RPRD2: variants seen among roughly 807,000 people sequenced by gnomAD.
The protein encoded by RPRD2 is regulation of nuclear pre-mRNA domain containing 2, also known as regulation of nuclear pre-mRNA domain-containing protein 2.
RPRD2 carries 12 observed loss-of-function variants against 104.4 expected under a neutral mutation model. That is an observed-to-expected ratio of 0.11 (90% CI 0.07 to 0.19). The LOEUF (loss-of-function observed/expected upper bound fraction) is 0.19. Ranked by LOEUF, RPRD2 falls within the 10% of genes least tolerant of loss-of-function variation. The probability of loss-of-function intolerance (pLI) is 1.00; values close to 1 mark genes in which losing one functional copy is unlikely to be tolerated. For missense variants in RPRD2, 1,543 were observed against 1,790.1 expected, an observed-to-expected ratio of 0.86 and a Z score of 2.49; for synonymous variants, 714 against 684.9, an observed-to-expected ratio of 1.04 and a Z score of -0.66.
In RPRD2 at chr1:150,364,786, G is replaced by A. The variant is rs781878775; in HGVS notation, c.72G>A (p.Glu24=). The A allele has an allele frequency of 2.0e-5, 32 of 1,612,882 alleles. No individual in the cohort carries two copies. Among genetic ancestry groups the A allele is most frequent in the Non-Finnish European group, 7.6e-6 (9 of 1,179,464 alleles). Residue 24 remains glutamate (E), a synonymous_variant, in exon 1 of 11, where the codon GAG becomes GAA. Coordinates refer to ENST00000369068, the MANE Select transcript of RPRD2 (RefSeq NM_015203.5). ...SSSASSAGAL[E]SSLDRKFQSV... ...CGGCCTCTTCGGCAGGGGCTCTGGAGTCCTCGTTGGATCGAAAATTCCAGT... is the reference window on the plus strand; with the variant it reads ...CGGCCTCTTCGGCAGGGGCTCTGGAATCCTCGTTGGATCGAAAATTCCAGT...
At chr1:150,452,071 G>A (rs1227146163) in intron 7 of RPRD2, among the ~76,000 whole-genome samples, 1 of 150,568 alleles carries the variant, frequency 6.6e-6, no homozygotes, top group Non-Finnish European at 1.5e-5. Flanking sequence ...GAACCCAGGA[G>A]GCAGAGGTTG....
intron 1 of RPRD2, among the ~76,000 whole-genome samples, chr1:150,397,956 A>T (rs1187601133): frequency 6.6e-6 from 1 of 151,456 alleles, no homozygotes; most frequent in African/African-American, 2.4e-5. Flanking sequence ...CTTGAGCAAC[A>T]CACAAACATT....
At chr1:150,417,488 G>GAA in intron 1 of RPRD2, 108 bp from the exon 2 acceptor site, 1 of 784,250 alleles carries the variant, frequency 1.3e-6, no homozygotes, top group Non-Finnish European at 1.9e-6. Flanking sequence ...ATCCATGTAA[G>GAA]AAAAAAAAAA....
chr1:150,401,616 T>A (rs1553885396), intron 1 of RPRD2, among the ~76,000 whole-genome samples: 1 of 152,014 alleles, frequency 6.6e-6, no homozygotes, highest in Non-Finnish European at 1.5e-5. Context: ...ATGCTAGGAT[T>A]ACCCCTTTCA....
intron 2 of RPRD2, among the ~76,000 whole-genome samples, chr1:150,440,138 G>T (rs1375937489): frequency 6.6e-6 from 1 of 152,066 alleles, no homozygotes; most frequent in East Asian, 1.9e-4. Context: ...TAGAGATAAG[G>T]TCTCTCTCTG....
rs1456628004 is a variant in RPRD2 at position 150,440,069 on chromosome 1, C to G, written c.336-854C>G. ...GTACAGATCCTCTTGCCTCAGACTC[C>G]CATGTAGCGGGTACTACAAATGTGT... On this transcript the variant is annotated intron_variant, in intron 2 of 10. Transcript: ENST00000369068. Among the ~76,000 whole-genome samples, 6 of 152,162 alleles carry G rather than the reference C, an allele frequency of 3.9e-5. No individual in the cohort carries two copies. The East Asian group carries it at 9.6e-4, about 24-fold the overall frequency.
At chr1:150,441,724 G>A (rs1250722689) in intron 3 of RPRD2, 157 bp from the exon 4 acceptor site, 2 of 532,814 alleles carry the variant, frequency 3.8e-6, no homozygotes, top group Non-Finnish European at 6.7e-6. Flanking sequence ...AGATCGGGTA[G>A]GAATTTCTAT....
chr1:150,384,858 A>G (rs1410440653), intron 1 of RPRD2, among the ~76,000 whole-genome samples: 1 of 151,994 alleles, frequency 6.6e-6, no homozygotes, highest in Non-Finnish European at 1.5e-5. Flanking sequence ...AATATATTTA[A>G]AAGAAGGTAA....
intron 9 of RPRD2, among the ~76,000 whole-genome samples, chr1:150,460,867 A>G (rs1553898680): frequency 6.7e-6 from 1 of 149,706 alleles, no homozygotes; most frequent in African/African-American, 2.5e-5. Context: ...CTGGGACTAC[A>G]GGCATGTGCC....
At chr1:150,451,969 C>A (rs941956416) in intron 7 of RPRD2, among the ~76,000 whole-genome samples, 1 of 151,432 alleles carries the variant, frequency 6.6e-6, no homozygotes, top group Non-Finnish European at 1.5e-5. Flanking sequence ...GGTGAAACCC[C>A]GTCTATACTA....
chr1:150,397,175 T>G (rs1662593047), intron 1 of RPRD2, among the ~76,000 whole-genome samples: 1 of 152,110 alleles, frequency 6.6e-6, no homozygotes, highest in Non-Finnish European at 1.5e-5. Context: ...GGTTTCACCA[T>G]GTTGGTTAGG....
chr1:150,428,029 T>G (rs1553890868), intron 2 of RPRD2, among the ~76,000 whole-genome samples: 1 of 152,122 alleles, frequency 6.6e-6, no homozygotes, highest in Non-Finnish European at 1.5e-5. Flanking sequence ...TTTGATTACA[T>G]AAAAATTAAA....
At chr1:150,404,764 C>A (rs782174385) in intron 1 of RPRD2, among the ~76,000 whole-genome samples, 12 of 152,080 alleles carry the variant, frequency 7.9e-5, no homozygotes, top group Non-Finnish European at 1.3e-4. Context: ...GCCACTGTGC[C>A]CGGCCTCGTC....
At position 150,428,888 on chromosome 1, in the gene RPRD2, A is replaced by AG. The variant is rs1171033943; in HGVS notation, c.335+11170dup. On this transcript the variant is annotated intron_variant, in intron 2 of 10. Coordinates refer to ENST00000369068, the MANE Select transcript of RPRD2 (RefSeq NM_015203.5). ...CTAGTACCTTCCTGTTATAAGAGTAAGGGGGGGTGTCATTAGCAAAGAAAG... is the reference window on the plus strand; with the variant it reads ...CTAGTACCTTCCTGTTATAAGAGTAAGGGGGGGGTGTCATTAGCAAAGAAAG... 7.2e-5 allele frequency among the ~76,000 whole-genome samples: 11 copies of AG among 152,176 alleles called. No individual in the cohort carries two copies. In the Middle Eastern group the frequency reaches 0.01, roughly 142 times the overall value.
In RPRD2 at chr1:150,386,400, C is replaced by T. The variant is rs146180273; in HGVS notation, c.205+21481C>T. Among the ~76,000 whole-genome samples the T allele has an allele frequency of 2.0e-4, 31 of 152,230 alleles. No homozygotes were observed. In the East Asian group the frequency reaches 5.4e-3, roughly 27 times the overall value. ...AGGAGTTCGAAACTAGTCTGGGCAACGTGACAAAGCCCCATCTCTACCAAG... is the reference window on the plus strand; with the variant it reads ...AGGAGTTCGAAACTAGTCTGGGCAATGTGACAAAGCCCCATCTCTACCAAG... On this transcript the variant is annotated intron_variant, in intron 1 of 10. Transcript: ENST00000369068.
chr1:150,443,342 T>G, intron 5 of RPRD2, 59 bp downstream of exon 5: 2 of 1,181,170 alleles, frequency 1.7e-6, no homozygotes, highest in Non-Finnish European at 1.2e-6. Context: ...TGTATTATAG[T>G]TTCCTGTATA....
intron 2 of RPRD2, among the ~76,000 whole-genome samples, 162 bp downstream of exon 2, chr1:150,417,887 CTTTCTTTTCT>C (rs782314181): frequency 6.6e-6 from 1 of 151,910 alleles, no homozygotes; most frequent in Non-Finnish European, 1.5e-5. Context: ...GTTTTTCTTT[CTTTCTTTTCT>C]TTTCTTTTCT....
chr1:150,382,647 C>T (rs1467166072), intron 1 of RPRD2, among the ~76,000 whole-genome samples: 3 of 152,192 alleles, frequency 2.0e-5, no homozygotes, highest in African/African-American at 7.2e-5. Context: ...GCGTGAGCCA[C>T]TGCACCTGGC....
chr1:150,440,909 TTC>T lies in RPRD2; in HGVS notation c.336-12_336-11del, dbSNP rs1165316611. 17 of 1,385,024 alleles carry T rather than the reference TTC, an allele frequency of 1.2e-5. No individual in the cohort carries two copies. The highest frequency in any genetic ancestry group is 1.7e-5 in the Non-Finnish European group (17 of 997,720). 85.8% of individuals were successfully genotyped at this position (1,385,024 alleles called of 1,614,324 possible). On this transcript the variant is annotated splice_polypyrimidine_tract_variant and intron_variant, in intron 2 of 10. Coordinates refer to ENST00000369068, the MANE Select transcript of RPRD2 (RefSeq NM_015203.5). ...AGGTTTTTATAGTCTGTATTACTTT[TTC>T]TTTGTTTTCAGGGATCCATCTGTCT...
Sources: allele counts gnomAD v4.1 joint callset (sites outside exome capture counted in the v4.1 genomes callset), GRCh38; gene constraint gnomAD v4.1.1; transcripts MANE v1.5; gene names NCBI Gene and HGNC (gene_info 2026-07-23, HGNC 2026-07-21).